The following ITGB5 variants were observed in gnomAD, a reference collection of about 807,000 sequenced individuals.
ITGB5 encodes the protein integrin subunit beta 5.
ITGB5 carries 38 observed loss-of-function variants against 84.8 expected under a neutral mutation model. The observed-to-expected ratio is 0.45, with a 90% CI of 0.35 to 0.59. ITGB5 has a LOEUF of 0.59. Ranked by LOEUF, ITGB5 falls within the 20% of genes least tolerant of loss-of-function variation. ITGB5 has a pLI of 0.01. For missense variants in ITGB5, 905 were observed against 1,034.5 expected (o/e 0.87, Z 1.72); for synonymous variants, 393 against 414.4 (o/e 0.95, Z 0.63).
chr3:124,772,107 C>T (rs751992477), intron 11 of ITGB5, among the ~76,000 whole-genome samples: 1 of 152,178 alleles, frequency 6.6e-6, no homozygotes, highest in African/African-American at 2.4e-5. Context: ...GGATACAAAA[C>T]GTGGATAATG....
At chr3:124,887,909 C>T, upstream of ITGB5, 1 of 216,612 alleles carries the variant, frequency 4.6e-6, no homozygotes, top group Non-Finnish European at 9.6e-6. Flanking sequence ...ACCTACATTT[C>T]TTTTTCTTTT....
intron 3 of ITGB5, among the ~76,000 whole-genome samples, chr3:124,853,616 C>A (rs748346023): frequency 1.3e-5 from 2 of 152,128 alleles, no homozygotes; most frequent in African/African-American, 4.8e-5. Context: ...AACTTTATTG[C>A]AGAAGCAATA....
intron 11 of ITGB5, among the ~76,000 whole-genome samples, chr3:124,770,901 A>G (rs967306711): frequency 2.5e-5 from 1 of 40,794 alleles, no homozygotes; most frequent in Admixed American, 2.5e-4. Context: ...CCGATCCCCC[A>G]CCCTCCCCCT....
At chr3:124,828,437 G>T (rs554891677) in intron 5 of ITGB5, among the ~76,000 whole-genome samples, 2 of 152,264 alleles carry the variant, frequency 1.3e-5, no homozygotes, top group Non-Finnish European at 2.9e-5. Flanking sequence ...GTGTATACTA[G>T]GCATATGAAA....
intron 11 of ITGB5, chr3:124,769,723 C>G (rs1419396011): frequency 6.6e-6 from 1 of 152,364 alleles, no homozygotes; most frequent in Non-Finnish European, 1.5e-5. Context: ...CTCCAGCCCC[C>G]TTCTCCCTCT....
At chr3:124,810,343 T>C (rs2064478664) in intron 8 of ITGB5, among the ~76,000 whole-genome samples, 1 of 152,198 alleles carries the variant, frequency 6.6e-6, no homozygotes, top group Non-Finnish European at 1.5e-5. Context: ...GAGGGCAGAA[T>C]AGGGACTTCT....
Position 124,779,894 on chromosome 3 carries a change from A to G in ITGB5, c.1694-5982T>C, listed in dbSNP as rs538337310. Reference sequence around the variant, plus strand: ...GTCAGCTTAAATCACAGACTTCCACAGTTAAAGGGCCTCATGAGGTGACCG... The same window carrying G: ...GTCAGCTTAAATCACAGACTTCCACGGTTAAAGGGCCTCATGAGGTGACCG... On this transcript the variant is annotated intron_variant, in intron 10 of 14. Transcript: ENST00000296181. Among the ~76,000 whole-genome samples the G allele has an allele frequency of 1.6e-4, 25 of 152,232 alleles. No individual in the cohort carries two copies. The East Asian group carries it at 4.8e-3, about 29-fold the overall frequency.
chr3:124,839,894 G>A (rs3772843), intron 5 of ITGB5, among the ~76,000 whole-genome samples: 26,151 of 152,196 alleles, frequency 0.17, 2,265 homozygotes, highest in South Asian at 0.21. Context: ...CAGCCTTCCT[G>A]GATAGGAAGC....
chr3:124,774,489 G>A (rs1443475311), intron 10 of ITGB5, among the ~76,000 whole-genome samples: 2 of 152,128 alleles, frequency 1.3e-5, no homozygotes, highest in Non-Finnish European at 2.9e-5. Flanking sequence ...CAAGGAATGC[G>A]AGGAATGCAG....
chr3:124,764,689 C>G, intron 13 of ITGB5, 132 bp from the exon 14 acceptor site: 1 of 797,632 alleles, frequency 1.3e-6, no homozygotes, highest in Non-Finnish European at 1.9e-6. Flanking sequence ...CTTAGATCCT[C>G]AGGAGGGTTT....
At chr3:124,877,479 G>A (rs1244847119) in intron 1 of ITGB5, among the ~76,000 whole-genome samples, 1 of 152,026 alleles carries the variant, frequency 6.6e-6, no homozygotes, top group Non-Finnish European at 1.5e-5. Context: ...ACAAACTCAG[G>A]CTCGTTGTGG....
intron 8 of ITGB5, among the ~76,000 whole-genome samples, chr3:124,811,514 A>C (rs2064501525): frequency 6.6e-6 from 1 of 152,220 alleles, no homozygotes; most frequent in South Asian, 2.1e-4. Flanking sequence ...TCGTTCACAA[A>C]TAAAACTTTG....
intron 1 of ITGB5, among the ~76,000 whole-genome samples, chr3:124,893,881 A>G (rs1485125275): frequency 6.6e-6 from 1 of 152,274 alleles, no homozygotes; most frequent in East Asian, 1.9e-4. Flanking sequence ...GTTGCTCTTA[A>G]TGTGCAAATG....
chr3:124,798,073 A>ATTTTTTTTTTTTTTT (rs2064259971), intron 9 of ITGB5, among the ~76,000 whole-genome samples: 3 of 42,140 alleles, frequency 7.1e-5, no homozygotes, highest in African/African-American at 2.6e-4. Flanking sequence ...TTTTTTTTTG[A>ATTTTTTTTTTTTTTT]GGTGGAGTCT....
chr3:124,887,990 C>T (rs1246392460), upstream of ITGB5, among the ~76,000 whole-genome samples: 5 of 150,920 alleles, frequency 3.3e-5, no homozygotes, highest in Non-Finnish European at 7.4e-5. Context: ...AGTCTTGGCT[C>T]ACTGCAGCCT....
chr3:124,829,824 T>C (rs2064834526), intron 5 of ITGB5, among the ~76,000 whole-genome samples: 1 of 152,194 alleles, frequency 6.6e-6, no homozygotes, highest in South Asian at 2.1e-4. Flanking sequence ...AAGCCTTCTC[T>C]TCACCCTGCG....
At position 124,865,481 on chromosome 3, in the gene ITGB5, C is replaced by CTTTTTT. The variant is rs59446328; in HGVS notation, c.157-6041_157-6036dup. ...TTGAAGTGTCCTTTGCGGCTTTTTT[C>CTTTTTT]TTTTTTTTTTTTTTTTTTTTTGAGA... is the stretch of plus-strand genomic sequence containing the variant. On this transcript the variant is annotated intron_variant, in intron 2 of 14. Transcript: ENST00000296181. 7.5e-3 allele frequency among the ~76,000 whole-genome samples: 701 copies of CTTTTTT among 93,234 alleles called. 35 individuals are homozygous for CTTTTTT. The highest frequency in any genetic ancestry group is 0.017 in the Middle Eastern group (2 of 120). 61.2% of individuals were successfully genotyped at this position (93,234 alleles called of 152,430 possible). A position where few individuals can be genotyped will look rare whatever the true frequency, so the allele number is the denominator to read the frequency against.
intron 10 of ITGB5, among the ~76,000 whole-genome samples, chr3:124,781,573 C>T (rs1413935276): frequency 2.6e-5 from 4 of 152,176 alleles, no homozygotes; most frequent in African/African-American, 9.7e-5. Context: ...TGGGTCCAGG[C>T]ACCTCAGTAG....
rs535160977 is a variant in ITGB5 at position 124,848,426 on chromosome 3, G to A, written c.494C>T (p.Ala165Val). The change falls in exon 4 of 15, where the codon GCG becomes GTG. Residue 165 changes from alanine to valine, a missense_variant. Physicochemically the swap from Ala to Val is moderately conservative, Grantham distance 64 (BLOSUM62 0). This residue lies in a region of ITGB5 where 656 missense variants were observed against 734.7 expected (regional missense o/e 0.89). Coordinates refer to ENST00000296181, the MANE Select transcript of ITGB5 (RefSeq NM_002213.5). ...GCTGGTGAGCTTCCTCATCTCCTCC[G>A]CGAGTTTGGTGCCCAGGCTCCGGAT... ...DNIRSLGTKL[A>V]EEMRKLTSNF... The A allele has an allele frequency of 3.7e-6, 6 of 1,614,130 alleles. No individual in the cohort carries two copies. The highest frequency in any genetic ancestry group is 2.2e-5 in the East Asian group (1 of 44,882).
Sources: gnomAD v4.1 joint callset for allele counts (sites outside exome capture counted in the v4.1 genomes callset) on GRCh38, gnomAD v4.1.1 for gene constraint, gnomAD v4.1.1 regional missense constraint, MANE v1.5 for transcripts, NCBI Gene and HGNC (gene_info 2026-07-23, HGNC 2026-07-21) for gene names.